AP1S3: variants seen among roughly 807,000 people sequenced by gnomAD.
AP1S3 encodes AP-1 complex subunit sigma-3.
A neutral mutation model predicts 20.9 loss-of-function variants in AP1S3; 10 were observed. The observed-to-expected ratio is 0.48, with a 90% CI of 0.29 to 0.81. AP1S3 has a LOEUF of 0.81. Ranked by LOEUF, AP1S3 falls within the 30% of genes least tolerant of loss-of-function variation. The pLI is 0.08. For missense variants in AP1S3, 154 were observed against 183.8 expected, an observed-to-expected ratio of 0.84 and a Z score of 0.94; for synonymous variants, 41 against 61.5, an observed-to-expected ratio of 0.67 and a Z score of 1.56.
chr2:223,776,091 A>G (rs770382055), intron 2 of AP1S3, 82 bp from the exon 3 acceptor site: 6 of 946,074 alleles, frequency 6.3e-6, no homozygotes, highest in Non-Finnish European at 1.7e-6. Flanking sequence ...ATATGCAGTC[A>G]CCTCCTCCCC....
At chr2:223,817,766 C>A (rs544853694) in intron 1 of AP1S3, among the ~76,000 whole-genome samples, 3 of 152,100 alleles carry the variant, frequency 2.0e-5, no homozygotes, top group Middle Eastern at 6.8e-3. Context: ...ACATCAGAGA[C>A]TATTTGGCCC....
intron 1 of AP1S3, among the ~76,000 whole-genome samples, chr2:223,832,676 CA>C (rs1692300721): frequency 6.6e-6 from 1 of 152,138 alleles, no homozygotes; most frequent in Non-Finnish European, 1.5e-5. Flanking sequence ...ATTCAAGCTT[CA>C]GAACATAAAA....
chr2:223,800,603 C>A (rs1385184991), intron 1 of AP1S3, among the ~76,000 whole-genome samples: 1 of 151,966 alleles, frequency 6.6e-6, no homozygotes, highest in African/African-American at 2.4e-5. Flanking sequence ...ATTATATCAA[C>A]AGATACAGAA....
chr2:223,800,970 C>G (rs1006935029), intron 1 of AP1S3, among the ~76,000 whole-genome samples: 1 of 152,168 alleles, frequency 6.6e-6, no homozygotes, highest in African/African-American at 2.4e-5. Flanking sequence ...CTCCACATTC[C>G]CAGCCCAAGG....
intron 1 of AP1S3, among the ~76,000 whole-genome samples, chr2:223,810,739 CAA>C (rs55748427): frequency 6.6e-6 from 1 of 150,636 alleles, no homozygotes; most frequent in Non-Finnish European, 1.5e-5. Context: ...TGTCCCACTT[CAA>C]AAAAAAAATA....
At chr2:223,783,393 C>T (rs1174354913) in intron 1 of AP1S3, among the ~76,000 whole-genome samples, 3 of 152,204 alleles carry the variant, frequency 2.0e-5, no homozygotes, top group Non-Finnish European at 4.4e-5. Flanking sequence ...AACCCAAAGA[C>T]ATCAGGTGAT....
chr2:223,763,899 C>T (rs966363519), intron 4 of AP1S3, among the ~76,000 whole-genome samples: 3 of 152,128 alleles, frequency 2.0e-5, no homozygotes, highest in African/African-American at 4.8e-5. Flanking sequence ...AAAAAAGTAG[C>T]TTTAATGCCA....
chr2:223,761,705 G>A (rs1690359076), intron 4 of AP1S3, among the ~76,000 whole-genome samples: 1 of 152,102 alleles, frequency 6.6e-6, no homozygotes. Flanking sequence ...GGGATTACAG[G>A]TGCACACCAC....
At chr2:223,815,672 T>C (rs1457764281) in intron 1 of AP1S3, among the ~76,000 whole-genome samples, 2 of 152,244 alleles carry the variant, frequency 1.3e-5, no homozygotes, top group African/African-American at 4.8e-5. Context: ...ACTGTTCTTA[T>C]GCATACAGTA....
chr2:223,834,908 G>A (rs79191621), intron 1 of AP1S3, among the ~76,000 whole-genome samples: 2 of 152,072 alleles, frequency 1.3e-5, no homozygotes, highest in African/African-American at 4.8e-5. Context: ...TCTCCTTAAT[G>A]TCTGGGCTTA....
intron 1 of AP1S3, among the ~76,000 whole-genome samples, chr2:223,814,350 T>G (rs560598236): frequency 6.6e-6 from 1 of 152,314 alleles, no homozygotes; most frequent in African/African-American, 2.4e-5. Flanking sequence ...CCTTTCACGT[T>G]CTGTTCTGCC....
chr2:223,817,607 C>CAAAAAAAAA (rs748661983), intron 1 of AP1S3, among the ~76,000 whole-genome samples: 2 of 81,204 alleles, frequency 2.5e-5, no homozygotes, highest in Admixed American at 2.6e-4. Flanking sequence ...GACTCCGTCT[C>CAAAAAAAAA]AAAAAAAAAA....
chr2:223,792,038 C>T (rs1490037059), intron 1 of AP1S3, among the ~76,000 whole-genome samples: 1 of 152,050 alleles, frequency 6.6e-6, no homozygotes, highest in African/African-American at 2.4e-5. Context: ...TTCTCATGGA[C>T]AGAAAGAATC....
At position 223,789,234 on chromosome 2, in the gene AP1S3, G is replaced by T. The variant is rs575171704; in HGVS notation, c.4-11365C>A. Among the ~76,000 whole-genome samples the T allele has an allele frequency of 3.2e-4, 48 of 151,460 alleles. No homozygotes were observed. In the South Asian group the frequency reaches 5.8e-3, roughly 18 times the overall value. Reference sequence around the variant, plus strand: ...CACACACAGAGTATACTCAGAGATGGTTAAAAGATGAAGTTCCTATGTCAA... The same window carrying T: ...CACACACAGAGTATACTCAGAGATGTTTAAAAGATGAAGTTCCTATGTCAA... On this transcript the variant is annotated intron_variant, in intron 1 of 4. Transcript: ENST00000396654.
In AP1S3 at chr2:223,756,871, A is replaced by T. The variant is rs1362748924; in HGVS notation, c.*1844T>A. On this transcript the variant is annotated 3_prime_UTR_variant, in exon 5 of 5. Coordinates refer to ENST00000396654, the MANE Select transcript of AP1S3 (RefSeq NM_001039569.2). ...ACACACTCTTCTAGGAAATCACTGG[A>T]GGTCCCAAACCACTCTAATATGAAT... 1 of 985,316 alleles carries T rather than the reference A, an allele frequency of 1.0e-6. No homozygotes were observed. Among genetic ancestry groups the T allele is most frequent in the Non-Finnish European group, 1.2e-6 (1 of 829,936 alleles). The allele number at this position is 985,316 out of a possible 1,614,324, so 61.0% of individuals were successfully genotyped here.
intron 1 of AP1S3, among the ~76,000 whole-genome samples, chr2:223,825,312 C>CAAAA (rs3080005): frequency 0.29 from 41,454 of 145,416 alleles, 6,573 homozygotes; most frequent in Middle Eastern, 0.41. Flanking sequence ...GACTCCGTCT[C>CAAAA]AAAAAAAAAA....
At chr2:223,812,630 G>A (rs963801869) in intron 1 of AP1S3, among the ~76,000 whole-genome samples, 32 of 152,004 alleles carry the variant, frequency 2.1e-4, no homozygotes, top group African/African-American at 6.5e-4. Context: ...TTCTAAACAC[G>A]GAAACTTTAG....
chr2:223,799,093 A>T (rs1206314675), intron 1 of AP1S3, among the ~76,000 whole-genome samples: 3 of 152,098 alleles, frequency 2.0e-5, no homozygotes, highest in African/African-American at 7.2e-5. Context: ...AGAGAGAGGG[A>T]GATAAGAAAT....
At chr2:223,783,496 C>A (rs997662996) in intron 1 of AP1S3, among the ~76,000 whole-genome samples, 2 of 152,210 alleles carry the variant, frequency 1.3e-5, no homozygotes, top group Non-Finnish European at 2.9e-5. Context: ...AGAACGCAAA[C>A]TTCTATGGGC....
Sources: allele counts gnomAD v4.1 joint callset (sites outside exome capture counted in the v4.1 genomes callset), GRCh38; gene constraint gnomAD v4.1.1; transcripts MANE v1.5; gene names NCBI Gene and HGNC (gene_info 2026-07-23, HGNC 2026-07-21).